TANC2: variants seen among roughly 807,000 people sequenced by gnomAD.
The protein encoded by TANC2 is protein TANC2.
TANC2 carries 26 observed loss-of-function variants against 210.5 expected under a neutral mutation model. The observed-to-expected ratio is 0.12, with a 90% CI of 0.09 to 0.17. TANC2 has a LOEUF of 0.17. Ranked by LOEUF, TANC2 falls within the 10% of genes least tolerant of loss-of-function variation. TANC2 has a pLI of 1.00. For missense variants in TANC2, 2,129 were observed against 2,608.9 expected, an observed-to-expected ratio of 0.82 and a Z score of 4.01; for synonymous variants, 931 against 967.1, an observed-to-expected ratio of 0.96 and a Z score of 0.69.
At chr17:63,422,167 G>A (rs750166037) in exon 28 of TANC2, 83 of 552,470 alleles carry the variant, frequency 1.5e-4, no homozygotes, top group Non-Finnish European at 2.2e-4. Flanking sequence ...TCTGTGCCCA[G>A]CCACATGCTC....
chr17:63,026,550 A>C (rs1333706469), intron 2 of TANC2, among the ~76,000 whole-genome samples: 2 of 152,178 alleles, frequency 1.3e-5, no homozygotes, highest in Non-Finnish European at 1.5e-5. Context: ...CTGGGAAGTG[A>C]AAAGAATGGG....
chr17:63,373,191 T>A lies in TANC2; in HGVS notation c.2583-6527T>A, dbSNP rs367951749. ...GACTACAGGTGAGAGCCACTGTGCC[T>A]TGGCCTCATCATCTTTAATTATAAA... On this transcript the variant is annotated intron_variant, in intron 14 of 27. Transcript: ENST00000689528. 6.0e-4 allele frequency among the ~76,000 whole-genome samples: 92 copies of A among 152,226 alleles called. 2 individuals carry two copies. In the South Asian group the frequency reaches 0.019, roughly 32 times the overall value.
chr17:63,201,813 G>A (rs1051470792), intron 7 of TANC2, among the ~76,000 whole-genome samples: 3 of 92,274 alleles, frequency 3.3e-5, no homozygotes, highest in Non-Finnish European at 6.0e-5. Flanking sequence ...AGAGCCAGAC[G>A]TGGACTGTTG....
intron 7 of TANC2, among the ~76,000 whole-genome samples, chr17:63,216,733 A>G (rs2042037296): frequency 6.6e-6 from 1 of 152,200 alleles, no homozygotes; most frequent in Admixed American, 6.5e-5. Flanking sequence ...ATATGGTATC[A>G]GAAGTGTTGT....
intron 15 of TANC2, among the ~76,000 whole-genome samples, chr17:63,381,680 C>G (rs1304114974): frequency 2.0e-5 from 3 of 152,090 alleles, no homozygotes; most frequent in Admixed American, 6.6e-5. Flanking sequence ...GGATAAGCCC[C>G]CAAGGTTAGT....
chr17:63,391,733 T>C (rs1443490414), intron 17 of TANC2: 3 of 151,380 alleles, frequency 2.0e-5, no homozygotes, highest in African/African-American at 7.3e-5. Flanking sequence ...ACCTTTTTTT[T>C]TTTTTTTTTT....
At chr17:63,319,477 T>C (rs2045425670) in intron 11 of TANC2, among the ~76,000 whole-genome samples, 1 of 152,170 alleles carries the variant, frequency 6.6e-6, no homozygotes, top group Non-Finnish European at 1.5e-5. Flanking sequence ...CCTGAGTAGC[T>C]GTAGCTGGGA....
chr17:63,286,368 T>G (rs966424895), intron 9 of TANC2, among the ~76,000 whole-genome samples: 1 of 152,198 alleles, frequency 6.6e-6, no homozygotes, highest in African/African-American at 2.4e-5. Context: ...TTGAAAGATG[T>G]TTTCACTGGG....
intron 12 of TANC2, among the ~76,000 whole-genome samples, 161 bp downstream of exon 12, chr17:63,340,493 C>CAA (rs370984606): frequency 6.8e-5 from 10 of 146,614 alleles, no homozygotes; most frequent in South Asian, 2.2e-4. Flanking sequence ...ATTTTACTTG[C>CAA]AAAAAAAAAA....
At chr17:63,284,563 T>C (rs757024824) in intron 9 of TANC2, among the ~76,000 whole-genome samples, 1 of 152,058 alleles carries the variant, frequency 6.6e-6, no homozygotes, top group East Asian at 1.9e-4. Context: ...CTTCCAGATA[T>C]ATTTCTGCTA....
intron 7 of TANC2, among the ~76,000 whole-genome samples, chr17:63,229,679 G>T (rs928861012): frequency 6.6e-6 from 1 of 151,502 alleles, no homozygotes; most frequent in African/African-American, 2.4e-5. Flanking sequence ...GTCTTGGGAG[G>T]GTGTATGTGT....
chr17:63,021,163 T>G (rs1454409948), intron 2 of TANC2, among the ~76,000 whole-genome samples: 1 of 152,250 alleles, frequency 6.6e-6, no homozygotes, highest in Non-Finnish European at 1.5e-5. Context: ...GTTAAAATTT[T>G]TATTGCGCTC....
In TANC2 at chr17:63,420,724, T is replaced by C. The variant is rs766994994; in HGVS notation, c.4994T>C (p.Leu1665Ser). 1 of 1,613,798 alleles carries C rather than the reference T, an allele frequency of 6.2e-7. No individual in the cohort carries two copies. Among genetic ancestry groups the C allele is most frequent in the African/African-American group, 1.3e-5 (1 of 74,894 alleles). Reference sequence around the variant, plus strand: ...CTTCCTGGCAGACCCAAATCTCCATTATCCAAAATGGCCCAGCGGCCCTAC... The same window carrying C: ...CTTCCTGGCAGACCCAAATCTCCATCATCCAAAATGGCCCAGCGGCCCTAC... The change falls in exon 28 of 28, where the codon TTA becomes TCA. Residue 1665 changes from leucine (L) to serine (S), a missense_variant. Leu to Ser is a moderately radical substitution (Grantham distance 145). Coordinates refer to ENST00000689528, the Ensembl canonical transcript of TANC2. This position sits in a 1 kb window ranked among gnomAD's most constrained non-coding sequence, Gnocchi z 4.2.
chr17:63,056,237 T>A (rs868743634), intron 2 of TANC2, among the ~76,000 whole-genome samples: 262 of 136,914 alleles, frequency 1.9e-3, no homozygotes, highest in Middle Eastern at 7.2e-3. Flanking sequence ...TTATTTTTTT[T>A]AAAAATCTGT....
chr17:63,258,427 C>T (rs192637174), intron 8 of TANC2, among the ~76,000 whole-genome samples: 4 of 152,302 alleles, frequency 2.6e-5, no homozygotes, highest in Admixed American at 2.6e-4. Context: ...AAACATTCTA[C>T]CCCAGTCTCT....
intron 9 of TANC2, among the ~76,000 whole-genome samples, chr17:63,269,956 A>C (rs2043647556): frequency 6.6e-6 from 1 of 152,188 alleles, no homozygotes; most frequent in South Asian, 2.1e-4. Context: ...CTTATTGTTT[A>C]CATTAATACT....
rs2048922969 is a variant in TANC2, at chr17:63,418,179, G to A, written c.4168-128G>A. ...GGCCACGCGGCTTGAGCCATGTCAG[G>A]CACGTCTAGCGTCCCAGGCGTTCCA... On this transcript the variant is annotated intron_variant, in intron 26 of 27. Coordinates refer to ENST00000689528, the Ensembl canonical transcript of TANC2. The surrounding 1 kb of genome is among the most constrained non-coding windows in gnomAD (Gnocchi z 4.6). The A allele has an allele frequency of 1.5e-5, 14 of 941,468 alleles. No individual in the cohort carries two copies. Among genetic ancestry groups the A allele is most frequent in the Non-Finnish European group, 2.2e-5 (14 of 627,088 alleles). The allele number at this position is 941,468 out of a possible 1,614,324, so 58.3% of individuals were successfully genotyped here.
intron 5 of TANC2, among the ~76,000 whole-genome samples, chr17:63,171,143 T>G (rs1459725634): frequency 6.9e-6 from 1 of 144,018 alleles, no homozygotes; most frequent in Non-Finnish European, 1.5e-5. Context: ...TGGAGTGCAG[T>G]GGTGCGATCT....
At chr17:63,326,282 A>C (rs1277512154) in intron 11 of TANC2, among the ~76,000 whole-genome samples, 1 of 152,230 alleles carries the variant, frequency 6.6e-6, no homozygotes, top group African/African-American at 2.4e-5. Flanking sequence ...TCATTGGGAT[A>C]AAGGTGGACT....
Sources: allele counts gnomAD v4.1 joint callset (sites outside exome capture counted in the v4.1 genomes callset), GRCh38; gene constraint gnomAD v4.1.1; non-coding constraint Gnocchi (gnomAD v3.1); transcripts MANE v1.5; gene names NCBI Gene and HGNC (gene_info 2026-07-23, HGNC 2026-07-21).